The following HOXC13 variants were observed in gnomAD, a reference collection of about 807,000 sequenced individuals.
HOXC13 encodes homeobox protein Hox-C13.
In HOXC13, 10 loss-of-function variants were observed where a neutral mutation model predicts 25.9. The ratio of observed to expected loss-of-function variants is 0.39; its 90% CI spans 0.24 to 0.65. The LOEUF is 0.65. Among genes scored for constraint, HOXC13 ranks in the 30% least tolerant of loss-of-function variants. HOXC13 has a pLI of 0.50. For missense variants in HOXC13, 439 were observed against 478.3 expected, an observed-to-expected ratio of 0.92 and a Z score of 0.77; for synonymous variants, 233 against 217.1, an observed-to-expected ratio of 1.07 and a Z score of -0.64.
chr12:53,941,489 G>A (rs2136356257), intron 1 of HOXC13, among the ~76,000 whole-genome samples: 1 of 152,338 alleles, frequency 6.6e-6, no homozygotes, highest in South Asian at 2.1e-4. Flanking sequence ...AATGTGGTGT[G>A]GAGTAGGGGT....
In HOXC13 at chr12:53,938,939, G is replaced by T; in HGVS notation, c.33G>T (p.Trp11Cys). The T allele has an allele frequency of 1.3e-6, 2 of 1,560,594 alleles. No homozygotes were observed. The highest frequency in any genetic ancestry group is 1.8e-5 in the Admixed American group (1 of 56,646). MTTSLLLHPR[W>C]PESLMYVYED... ...CTTCGCTGCTCCTGCATCCACGCTGGCCGGAGAGCCTTATGTACGTCTATG... is the reference window on the plus strand; with the variant it reads ...CTTCGCTGCTCCTGCATCCACGCTGTCCGGAGAGCCTTATGTACGTCTATG... Residue 11 changes from tryptophan (W) to cysteine (C), a missense_variant, in exon 1 of 2, where the codon TGG becomes TGT. Transcript: ENST00000243056.
chr12:53,938,996 C>CGGCGGCGGAGGAGGA lies in HOXC13; in HGVS notation c.99_113dup (p.Gly34_Gly38dup), dbSNP rs772594396. The CGGCGGCGGAGGAGGA allele has an allele frequency of 6.7e-7, 1 of 1,500,916 alleles. No homozygotes were observed. The allele number at this position is 1,500,916 out of a possible 1,614,324, so 93.0% of individuals were successfully genotyped here. ...GCGCGGCGGAGAGCGGCATCGGCGG[C>CGGCGGCGGAGGAGGA]GGCGGCGGAGGAGGAGGCGGCGGCA... On this transcript the variant is annotated inframe_insertion, in exon 1 of 2. Transcript: ENST00000243056.
chr12:53,944,378 C>T (rs1375780752), intron 1 of HOXC13, among the ~76,000 whole-genome samples: 2 of 152,152 alleles, frequency 1.3e-5, no homozygotes, highest in South Asian at 4.2e-4. Context: ...TGTCCAAAGG[C>T]GTGAAGACTC....
chr12:53,944,023 G>A (rs1938650784), intron 1 of HOXC13, among the ~76,000 whole-genome samples: 1 of 152,170 alleles, frequency 6.6e-6, no homozygotes, highest in Non-Finnish European at 1.5e-5. Flanking sequence ...GAAATTCTCA[G>A]AGCCTAAAGA....
Position 53,938,855 on chromosome 12 carries a change from G to C in HOXC13, c.-52G>C. 2 of 1,474,144 alleles carry C rather than the reference G, an allele frequency of 1.4e-6. No homozygotes were observed. Among genetic ancestry groups the C allele is most frequent in the Non-Finnish European group, 1.8e-6 (2 of 1,110,150 alleles). The allele number at this position is 1,474,144 out of a possible 1,614,324, so 91.3% of individuals were successfully genotyped here. ...GAAACAGGAGCGAGGTGTCTCCCTA[G>C]CTCGCTGCCTCTGGCAAGTGGAGTT... On this transcript the variant is annotated 5_prime_UTR_variant, in exon 1 of 2. Transcript: ENST00000243056.
At position 53,939,427 on chromosome 12, in the gene HOXC13, T is replaced by C; in HGVS notation, c.521T>C (p.Phe174Ser). The C allele has an allele frequency of 6.2e-7, 1 of 1,604,180 alleles. No individual in the cohort carries two copies. The highest frequency in any genetic ancestry group is 2.2e-5 in the East Asian group (1 of 44,554). Residue 174 changes from phenylalanine (F) to serine (S), a missense_variant, in exon 1 of 2, where the codon TTC (phenylalanine) becomes TCC (serine). Coordinates refer to ENST00000243056, the MANE Select transcript of HOXC13 (RefSeq NM_017410.3). The surrounding 1 kb of genome is among the most constrained non-coding windows in gnomAD (Gnocchi z 6.7). ...TCCTCTAGGGCCAAGGAGTTCGCCT[T>C]CTACCCCAGCTTCGCCAGCTCCTAC... Reference protein sequence around the residue: ...DLSSRAKEFAFYPSFASSYQA... With the variant: ...DLSSRAKEFASYPSFASSYQA...
rs1164326835 is a variant in HOXC13 at position 53,939,722 on chromosome 12, C to T, written c.736+80C>T. 7 of 1,260,154 alleles carry T rather than the reference C, an allele frequency of 5.6e-6. No homozygotes were observed. The highest frequency in any genetic ancestry group is 6.1e-4 in the Middle Eastern group (2 of 3,288). The allele number at this position is 1,260,154 out of a possible 1,614,324, so 78.1% of individuals were successfully genotyped here. A position where few individuals can be genotyped will look rare whatever the true frequency, so the allele number is the denominator to read the frequency against. ...GCCCCGGGGCTCCGCGCCCCAACCA[C>T]CCCCGCCGTCTGGCCCCGGCGCGCC... On this transcript the variant is annotated intron_variant, in intron 1 of 1. Coordinates refer to ENST00000243056, the MANE Select transcript of HOXC13 (RefSeq NM_017410.3). The surrounding 1 kb of genome is among the most constrained non-coding windows in gnomAD (Gnocchi z 6.7).
Position 53,938,892 on chromosome 12 carries a change from C to T in HOXC13, c.-15C>T. 1 of 1,545,064 alleles carries T rather than the reference C, an allele frequency of 6.5e-7. No homozygotes were observed. Among genetic ancestry groups the T allele is most frequent in the South Asian group, 1.2e-5 (1 of 85,236 alleles). On this transcript the variant is annotated 5_prime_UTR_variant, in exon 1 of 2. Transcript: ENST00000243056. ...TGGCAAGTGGAGTTTTTAAAAAGCT[C>T]CAGCAGATCATGTCATGACGACTTC...
chr12:53,943,815 C>T (rs1403874509), intron 1 of HOXC13, among the ~76,000 whole-genome samples: 1 of 152,160 alleles, frequency 6.6e-6, no homozygotes, highest in Non-Finnish European at 1.5e-5. Context: ...AAGGGGAAAC[C>T]CCAAATATTC....
At position 53,938,930 on chromosome 12, in the gene HOXC13, T is replaced by A. The variant is rs776258150; in HGVS notation, c.24T>A (p.His8Gln). 1.9e-6 allele frequency: 3 copies of A among 1,560,154 alleles called. No individual in the cohort carries two copies. The Admixed American group carries it at 5.3e-5, about 27-fold the overall frequency. Residue 8 changes from histidine (H) to glutamine (Q), a missense_variant, in exon 1 of 2, where the codon CAT (histidine) becomes CAA (glutamine). Coordinates refer to ENST00000243056, the MANE Select transcript of HOXC13 (RefSeq NM_017410.3). MTTSLLL[H>Q]PRWPESLMYV... ...TCATGACGACTTCGCTGCTCCTGCATCCACGCTGGCCGGAGAGCCTTATGT... is the reference window on the plus strand; with the variant it reads ...TCATGACGACTTCGCTGCTCCTGCAACCACGCTGGCCGGAGAGCCTTATGT...
rs376367135 is a variant in HOXC13 at position 53,945,065 on chromosome 12, A to T, written c.802A>T (p.Thr268Ser). Residue 268 changes from threonine (T) to serine (S), a missense_variant, in exon 2 of 2, where the codon ACT (threonine) becomes TCT (serine). Thr to Ser is a moderately conservative substitution (Grantham distance 58, BLOSUM62 1). Coordinates refer to ENST00000243056, the MANE Select transcript of HOXC13 (RefSeq NM_017410.3). The surrounding 1 kb of genome is among the most constrained non-coding windows in gnomAD (Gnocchi z 4.4). ...RRGRKKRVPY[T>S]KVQLKELEKE... is the part of the protein sequence containing the mutation. ...CGGGCGCAAGAAACGCGTGCCCTACACTAAGGTGCAGCTGAAGGAGCTAGA... is the reference window on the plus strand; with the variant it reads ...CGGGCGCAAGAAACGCGTGCCCTACTCTAAGGTGCAGCTGAAGGAGCTAGA... 5 of 1,614,106 alleles carry T rather than the reference A, an allele frequency of 3.1e-6. No homozygotes were observed. Among genetic ancestry groups the T allele is most frequent in the Non-Finnish European group, 4.2e-6 (5 of 1,180,034 alleles).
chr12:53,939,888 G>A lies in HOXC13; in HGVS notation c.736+246G>A, dbSNP rs568822579. 1.3e-5 allele frequency among the ~76,000 whole-genome samples: 2 copies of A among 152,222 alleles called. No homozygotes were observed. The highest frequency in any genetic ancestry group is 2.9e-5 in the Non-Finnish European group (2 of 68,022). On this transcript the variant is annotated intron_variant, in intron 1 of 1. Coordinates refer to ENST00000243056, the MANE Select transcript of HOXC13 (RefSeq NM_017410.3). The surrounding 1 kb of genome is among the most constrained non-coding windows in gnomAD (Gnocchi z 6.7). ...ACAGGCGCCCGAAAGCCGGGCCGCC[G>A]GCTCTGCTCTGTCCGGTAGCTCGCC...
At position 53,939,224 on chromosome 12, in the gene HOXC13, C is replaced by G. The variant is rs746559002; in HGVS notation, c.318C>G (p.Ala106=). 6.5e-7 allele frequency: 1 copy of G among 1,536,904 alleles called. No individual in the cohort carries two copies. Among genetic ancestry groups the G allele is most frequent in the Non-Finnish European group, 8.7e-7 (1 of 1,144,010 alleles). The change falls in exon 1 of 2, where the codon GCC becomes GCG. Residue 106 remains alanine (A), a synonymous_variant. Coordinates refer to ENST00000243056, the MANE Select transcript of HOXC13 (RefSeq NM_017410.3). The surrounding 1 kb of genome is among the most constrained non-coding windows in gnomAD (Gnocchi z 6.7). ...CCCCGGAGGCGGCGCGCCAGTGTGC[C>G]CCGCCGCCCGCACCCCCCACCTCGT... The part of the protein sequence containing the change: ...IPAPEAARQC[A]PPPAPPTSSS...
At position 53,946,185 on chromosome 12, in the gene HOXC13, G is replaced by A. The variant is rs1161460239; in HGVS notation, c.*929G>A. On this transcript the variant is annotated 3_prime_UTR_variant, in exon 2 of 2. Transcript: ENST00000243056. ...TCCCTGTCCAGTCACCTTTCCATCA[G>A]GGCACTAGCCCAGGAATGACTCCTC... The A allele has an allele frequency of 1.3e-5, 3 of 230,004 alleles. No individual in the cohort carries two copies. The highest frequency in any genetic ancestry group is 2.6e-5 in the Non-Finnish European group (3 of 115,842). The allele number at this position is 230,004 out of a possible 1,614,324, so 14.2% of individuals were successfully genotyped here. A position where few individuals can be genotyped will look rare whatever the true frequency, so the allele number is the denominator to read the frequency against.
Position 53,939,518 on chromosome 12 carries a change from T to C in HOXC13, c.612T>C (p.Arg204=). 1.9e-6 allele frequency: 3 copies of C among 1,611,774 alleles called. No individual in the cohort carries two copies. Among genetic ancestry groups the C allele is most frequent in the Non-Finnish European group, 2.5e-6 (3 of 1,179,802 alleles). ...VPGISGHPEP[R]HDALIPVEGY... Reference sequence around the variant, plus strand: ...GGATCAGCGGGCACCCGGAGCCGCGTCACGACGCCCTCATCCCCGTCGAAG... The same window carrying C: ...GGATCAGCGGGCACCCGGAGCCGCGCCACGACGCCCTCATCCCCGTCGAAG... Residue 204 remains arginine (R), a synonymous_variant, in exon 1 of 2, where the codon CGT becomes CGC. Transcript: ENST00000243056. This position sits in a 1 kb window ranked among gnomAD's most constrained non-coding sequence, Gnocchi z 6.7.
chr12:53,940,188 C>G (rs1166875227), intron 1 of HOXC13, among the ~76,000 whole-genome samples: 11 of 152,190 alleles, frequency 7.2e-5, no homozygotes, highest in Admixed American at 2.6e-4. Flanking sequence ...CCTTTCCTGA[C>G]TTATTTTAAA....
At chr12:53,944,179 C>T (rs1938653417) in intron 1 of HOXC13, among the ~76,000 whole-genome samples, 1 of 152,110 alleles carries the variant, frequency 6.6e-6, no homozygotes, top group African/African-American at 2.4e-5. Flanking sequence ...TTTGGTGGGA[C>T]TGCAGTGTGG....
chr12:53,939,002 CGGA>C lies in HOXC13; in HGVS notation c.105_107del (p.Gly38del), dbSNP rs1565703123. 3 of 1,482,002 alleles carry C rather than the reference CGGA, an allele frequency of 2.0e-6. No individual in the cohort carries two copies. Among genetic ancestry groups the C allele is most frequent in the Admixed American group, 4.5e-5 (2 of 44,096 alleles). 91.8% of individuals were successfully genotyped at this position (1,482,002 alleles called of 1,614,324 possible). ...CGGAGAGCGGCATCGGCGGCGGCGG[CGGA>C]GGAGGAGGCGGCGGCACGGGCGGAG... On this transcript the variant is annotated inframe_deletion, in exon 1 of 2. Transcript: ENST00000243056. This position sits in a 1 kb window ranked among gnomAD's most constrained non-coding sequence, Gnocchi z 6.7.
Position 53,945,333 on chromosome 12 carries a change from C to T in HOXC13, c.*77C>T, listed in dbSNP as rs1938676675. Reference sequence around the variant, plus strand: ...ACCGAACCCACGGAAAGACGCTGCGCGGGTGCAGAAGAGTATTTAATGTTA... The same window carrying T: ...ACCGAACCCACGGAAAGACGCTGCGTGGGTGCAGAAGAGTATTTAATGTTA... On this transcript the variant is annotated 3_prime_UTR_variant, in exon 2 of 2. Coordinates refer to ENST00000243056, the MANE Select transcript of HOXC13 (RefSeq NM_017410.3). This position sits in a 1 kb window ranked among gnomAD's most constrained non-coding sequence, Gnocchi z 4.4. 1.3e-6 allele frequency: 2 copies of T among 1,530,248 alleles called. No homozygotes were observed. The highest frequency in any genetic ancestry group is 1.8e-6 in the Non-Finnish European group (2 of 1,114,632). The allele number at this position is 1,530,248 out of a possible 1,614,324, so 94.8% of individuals were successfully genotyped here. A position where few individuals can be genotyped will look rare whatever the true frequency, so the allele number is the denominator to read the frequency against.
Sources: gnomAD v4.1 joint callset for allele counts (sites outside exome capture counted in the v4.1 genomes callset) on GRCh38, gnomAD v4.1.1 for gene constraint, Gnocchi (gnomAD v3.1) non-coding constraint, MANE v1.5 for transcripts, NCBI Gene and HGNC (gene_info 2026-07-23, HGNC 2026-07-21) for gene names.